Variants in POU6F2 observed in about 807,000 individuals in gnomAD.
POU6F2 encodes POU class 6 homeobox 2.
A neutral mutation model predicts 71.3 loss-of-function variants in POU6F2; 31 were observed. The ratio of observed to expected loss-of-function variants is 0.43; its 90% confidence interval spans 0.33 to 0.59. The LOEUF is 0.59. Among genes scored for constraint, POU6F2 ranks in the 20% least tolerant of loss-of-function variants. The probability of loss-of-function intolerance (pLI) is 0.04; values close to 1 mark genes in which losing one functional copy is unlikely to be tolerated. For missense variants in POU6F2, 783 were observed against 856.8 expected, an observed-to-expected ratio of 0.91 and a Z score of 1.07; for synonymous variants, 347 against 355.7, an observed-to-expected ratio of 0.98 and a Z score of 0.27.
chr7:39,185,845 GTATA>G lies in POU6F2; in HGVS notation c.278-18388_278-18385del, dbSNP rs751789195. 9.0e-5 allele frequency among the ~76,000 whole-genome samples: 6 copies of G among 66,572 alleles called. 1 individual carries two copies. In the East Asian group the frequency reaches 9.5e-3, roughly 106 times the overall value. 43.7% of individuals were successfully genotyped at this position (66,572 alleles called of 152,430 possible). ...TGTATATGTATATGTATATGTATAT[GTATA>G]TGTATGTGTATATATGTATATATGT... On this transcript the variant is annotated intron_variant, in intron 2 of 9. Coordinates refer to ENST00000518318, the MANE Select transcript of POU6F2 (RefSeq NM_001370959.1).
At chr7:39,406,794 A>G (rs779588816) in intron 6 of POU6F2, 54 bp downstream of exon 6, 1 of 1,598,174 alleles carries the variant, frequency 6.3e-7, no homozygotes, top group South Asian at 1.1e-5. Context: ...GAACTCGGAA[A>G]GGAATTGAAT....
At chr7:39,149,699 T>C (rs1792704659) in intron 2 of POU6F2, among the ~76,000 whole-genome samples, 1 of 152,228 alleles carries the variant, frequency 6.6e-6, no homozygotes, top group African/African-American at 2.4e-5. Flanking sequence ...CTGCCGATCG[T>C]AACCACTGTT....
intron 2 of POU6F2, among the ~76,000 whole-genome samples, chr7:39,118,433 C>T (rs1322898675): frequency 6.6e-6 from 1 of 151,724 alleles, no homozygotes; most frequent in African/African-American, 2.4e-5. Context: ...ATCCCCTCAA[C>T]AACATAAGAT....
chr7:39,424,196 A>AT (rs1053416492), intron 6 of POU6F2, among the ~76,000 whole-genome samples: 28 of 152,240 alleles, frequency 1.8e-4, no homozygotes, highest in African/African-American at 6.5e-4. Flanking sequence ...CTCACTTCAA[A>AT]TACCATTATA....
intron 4 of POU6F2, among the ~76,000 whole-genome samples, chr7:39,275,111 G>A (rs977327550): frequency 6.6e-6 from 1 of 152,126 alleles, no homozygotes; most frequent in Admixed American, 6.5e-5. Context: ...AAGTCAGATT[G>A]TCCCTGTTTG....
chr7:39,427,103 G>A (rs1239419863), intron 6 of POU6F2, among the ~76,000 whole-genome samples: 5 of 152,194 alleles, frequency 3.3e-5, no homozygotes, highest in Non-Finnish European at 5.9e-5. Flanking sequence ...ATGCCCAGGA[G>A]TTACCACACA....
intron 6 of POU6F2, among the ~76,000 whole-genome samples, chr7:39,424,307 G>T (rs1787918799): frequency 6.6e-6 from 1 of 152,122 alleles, no homozygotes; most frequent in Non-Finnish European, 1.5e-5. Context: ...ATAACATTTT[G>T]CACAATTGAC....
At chr7:39,157,112 G>A (rs1042965356) in intron 2 of POU6F2, among the ~76,000 whole-genome samples, 2 of 152,220 alleles carry the variant, frequency 1.3e-5, no homozygotes, top group Admixed American at 6.5e-5. Context: ...ATTGAATACC[G>A]AGGCAGAGCA....
At chr7:39,278,059 T>C (rs1784485155) in intron 4 of POU6F2, among the ~76,000 whole-genome samples, 1 of 120,550 alleles carries the variant, frequency 8.3e-6, no homozygotes, top group Admixed American at 1.0e-4. Flanking sequence ...GGCGACAGAG[T>C]GAGACTCCGT....
intron 6 of POU6F2, among the ~76,000 whole-genome samples, chr7:39,407,409 G>A (rs899365868): frequency 2.0e-5 from 3 of 149,834 alleles, no homozygotes; most frequent in South Asian, 2.2e-4. Context: ...TCCCCTCAAC[G>A]CTGCTAATGT....
Position 39,252,399 on chromosome 7 carries a change from GACACACACAC to G in POU6F2, c.598+44808_598+44817del, listed in dbSNP as rs55738894. On this transcript the variant is annotated intron_variant, in intron 4 of 9. Coordinates refer to ENST00000518318, the MANE Select transcript of POU6F2 (RefSeq NM_001370959.1). ...ACACACACATACAGACAGACAGACA[GACACACACAC>G]ACACACACACACACACACACACACA... Among the ~76,000 whole-genome samples, 1,134 of 144,260 alleles carry G rather than the reference GACACACACAC, an allele frequency of 7.9e-3. 9 individuals are homozygous for G. Among genetic ancestry groups the G allele is most frequent in the Non-Finnish European group, 0.013 (825 of 65,670 alleles). The allele number at this position is 144,260 out of a possible 152,430, so 94.6% of individuals were successfully genotyped here.
intron 8 of POU6F2, among the ~76,000 whole-genome samples, chr7:39,459,796 GA>G (rs1336656505): frequency 2.6e-5 from 4 of 152,042 alleles, no homozygotes; most frequent in African/African-American, 9.7e-5. Flanking sequence ...GCCAGGGGGG[GA>G]AAAGTTTCAT....
chr7:39,459,533 A>C (rs1788894821), intron 8 of POU6F2, among the ~76,000 whole-genome samples: 1 of 152,174 alleles, frequency 6.6e-6, no homozygotes, highest in African/African-American at 2.4e-5. Context: ...TCAGCCCAGA[A>C]GAGTAATATA....
At chr7:39,022,474 A>G (rs1363351734) in intron 1 of POU6F2, among the ~76,000 whole-genome samples, 1 of 152,086 alleles carries the variant, frequency 6.6e-6, no homozygotes, top group Non-Finnish European at 1.5e-5. Context: ...GCACCTGGGT[A>G]ACAGCTACTC....
chr7:39,329,666 G>A (rs1785596654), intron 4 of POU6F2, among the ~76,000 whole-genome samples: 1 of 152,176 alleles, frequency 6.6e-6, no homozygotes. Context: ...ATGCTTCAGA[G>A]CTCCCTGGAA....
At chr7:39,011,407 C>T (rs1789280614) in intron 1 of POU6F2, among the ~76,000 whole-genome samples, 1 of 149,522 alleles carries the variant, frequency 6.7e-6, no homozygotes, top group African/African-American at 2.5e-5. Flanking sequence ...TATTTTGAGC[C>T]TATGTGTGTC....
At chr7:39,386,794 C>T (rs1786953610) in intron 5 of POU6F2, among the ~76,000 whole-genome samples, 1 of 152,186 alleles carries the variant, frequency 6.6e-6, no homozygotes, top group South Asian at 2.1e-4. Flanking sequence ...GTGTATAAAT[C>T]CCTAGATAGG....
intron 6 of POU6F2, among the ~76,000 whole-genome samples, chr7:39,408,009 C>A (rs112209021): frequency 1.3e-5 from 2 of 152,318 alleles, no homozygotes; most frequent in African/African-American, 4.8e-5. Context: ...TTGTTCCAAT[C>A]CCTTTTCATC....
At chr7:39,046,091 A>G (rs1790285824) in intron 1 of POU6F2, among the ~76,000 whole-genome samples, 2 of 151,858 alleles carry the variant, frequency 1.3e-5, no homozygotes, top group African/African-American at 4.8e-5. Context: ...ATAACAGCTC[A>G]GGTTTCTCCA....
Sources: allele counts gnomAD v4.1 joint callset (sites outside exome capture counted in the v4.1 genomes callset), GRCh38; gene constraint gnomAD v4.1.1; transcripts MANE v1.5; gene names NCBI Gene and HGNC (gene_info 2026-07-23, HGNC 2026-07-21).